The following NEO1 variants were observed in gnomAD, a reference collection of about 807,000 sequenced individuals.
NEO1 encodes neogenin.
A neutral mutation model predicts 159.7 loss-of-function variants in NEO1; 63 were observed. The observed-to-expected ratio is 0.39, with a 90% CI of 0.32 to 0.49. The LOEUF is 0.49. Ranked by LOEUF, NEO1 falls within the 20% of genes least tolerant of loss-of-function variation. The pLI is 0.85. For missense variants in NEO1, 1,615 were observed against 1,831.0 expected (o/e 0.88, Z 2.15); for synonymous variants, 633 against 662.0 (o/e 0.96, Z 0.67).
At chr15:73,141,397 T>C (rs1171140323) in intron 5 of NEO1, among the ~76,000 whole-genome samples, 1 of 152,198 alleles carries the variant, frequency 6.6e-6, no homozygotes, top group Admixed American at 6.5e-5. Flanking sequence ...TGCAGTGACG[T>C]GAATTAGCCC....
At chr15:73,154,327 A>G (rs540420435) in intron 5 of NEO1, among the ~76,000 whole-genome samples, 10 of 152,346 alleles carry the variant, frequency 6.6e-5, no homozygotes, top group Middle Eastern at 3.4e-3. Flanking sequence ...CCATCACCCA[A>G]GCATTTATCC....
intron 16 of NEO1, among the ~76,000 whole-genome samples, chr15:73,266,723 G>C (rs2040917539): frequency 6.6e-6 from 1 of 152,158 alleles, no homozygotes; most frequent in South Asian, 2.1e-4. Flanking sequence ...GGGCATGTGA[G>C]TTGAAACTAA....
intron 4 of NEO1, among the ~76,000 whole-genome samples, chr15:73,134,607 A>G (rs577092218): frequency 2.8e-4 from 42 of 151,354 alleles, no homozygotes; most frequent in African/African-American, 1.0e-3. Context: ...CTGGAGTGCA[A>G]TGGCGTGATC....
rs888603456 is a variant in NEO1 at position 73,303,145 on chromosome 15, T to G, written c.*449T>G. 1.3e-5 allele frequency: 2 copies of G among 159,002 alleles called. No homozygotes were observed. Among genetic ancestry groups the G allele is most frequent in the African/African-American group, 4.8e-5 (2 of 41,652 alleles). 9.8% of individuals were successfully genotyped at this position (159,002 alleles called of 1,614,324 possible). A position where few individuals can be genotyped will look rare whatever the true frequency, so the allele number is the denominator to read the frequency against. On this transcript the variant is annotated 3_prime_UTR_variant, in exon 29 of 29. Transcript: ENST00000261908. ...CATCCAAAACCAAGGAAGTCCTTGG[T>G]GTTCTCCACAAGTGGTTGACATTTG...
intron 4 of NEO1, among the ~76,000 whole-genome samples, chr15:73,132,951 A>G (rs1230533141): frequency 2.0e-5 from 3 of 152,202 alleles, no homozygotes; most frequent in Non-Finnish European, 2.9e-5. Flanking sequence ...AGCTAGTACA[A>G]CCACTATGGA....
At chr15:73,142,072 T>A (rs1163191407) in intron 5 of NEO1, among the ~76,000 whole-genome samples, 1 of 152,198 alleles carries the variant, frequency 6.6e-6, no homozygotes, top group Non-Finnish European at 1.5e-5. Context: ...GTTGAATGGG[T>A]TGTTTTAAGG....
At chr15:73,109,697 G>T (rs1167535407) in intron 1 of NEO1, among the ~76,000 whole-genome samples, 1 of 152,072 alleles carries the variant, frequency 6.6e-6, no homozygotes, top group Non-Finnish European at 1.5e-5. Flanking sequence ...TCCTGAACAA[G>T]AATTTTAGAT....
chr15:73,190,957 A>G (rs1271670119), intron 7 of NEO1, among the ~76,000 whole-genome samples: 1 of 152,106 alleles, frequency 6.6e-6, no homozygotes, highest in East Asian at 1.9e-4. Flanking sequence ...TAGGTCCCAT[A>G]TCACTCCAAA....
At chr15:73,295,090 G>T (rs1244254760) in intron 26 of NEO1, among the ~76,000 whole-genome samples, 1 of 139,134 alleles carries the variant, frequency 7.2e-6, no homozygotes, top group Admixed American at 7.6e-5. Context: ...ACCAGCCTGG[G>T]CAACAAGGCA....
At chr15:73,157,211 A>C (rs1207120827) in intron 5 of NEO1, among the ~76,000 whole-genome samples, 1 of 152,190 alleles carries the variant, frequency 6.6e-6, no homozygotes, top group Non-Finnish European at 1.5e-5. Flanking sequence ...CCCCAGTTTC[A>C]GTATCAGCTG....
In NEO1 at chr15:73,116,681, C is replaced by G. The variant is rs1421265299; in HGVS notation, c.272C>G (p.Thr91Ser). 1.9e-6 allele frequency: 3 copies of G among 1,613,814 alleles called. No individual in the cohort carries two copies. Among genetic ancestry groups the G allele is most frequent in the South Asian group, 1.1e-5 (1 of 91,058 alleles). Reference sequence around the variant, plus strand: ...AAAATTGAATGGAAAAAAGATGGAACTTTTTTAAACTTAGTATCAGATGAT... The same window carrying G: ...AAAATTGAATGGAAAAAAGATGGAAGTTTTTTAAACTTAGTATCAGATGAT... ...SPKIEWKKDG[T>S]FLNLVSDDRR... is the part of the protein sequence containing the mutation. The change falls in exon 2 of 29, where the codon ACT becomes AGT. Residue 91 changes from threonine (T) to serine (S), a missense_variant. By Grantham distance (58) the Thr-to-Ser change is moderately conservative (BLOSUM62 1). Transcript: ENST00000261908.
At chr15:73,225,888 G>C (rs897982259) in intron 7 of NEO1, among the ~76,000 whole-genome samples, 1 of 152,080 alleles carries the variant, frequency 6.6e-6, no homozygotes, top group Non-Finnish European at 1.5e-5. Flanking sequence ...ACACTCCTCC[G>C]GTTGCCCTCC....
chr15:73,187,607 A>G (rs941621130), intron 7 of NEO1, among the ~76,000 whole-genome samples: 4 of 152,184 alleles, frequency 2.6e-5, no homozygotes, highest in African/African-American at 4.8e-5. Context: ...CACCTCTGCT[A>G]TTATAAGTTT....
intron 5 of NEO1, among the ~76,000 whole-genome samples, chr15:73,165,219 T>G (rs1482774304): frequency 6.6e-6 from 1 of 152,080 alleles, no homozygotes; most frequent in Non-Finnish European, 1.5e-5. Context: ...AGAAAAATGT[T>G]TGGAGAGTTC....
chr15:73,079,832 G>A (rs2068954107), intron 1 of NEO1, among the ~76,000 whole-genome samples: 2 of 152,170 alleles, frequency 1.3e-5, no homozygotes, highest in South Asian at 4.1e-4. Flanking sequence ...AAGCTTCTGA[G>A]ACCTTTGCAT....
chr15:73,104,154 G>A (rs2070553509), intron 1 of NEO1, among the ~76,000 whole-genome samples: 1 of 152,144 alleles, frequency 6.6e-6, no homozygotes, highest in Non-Finnish European at 1.5e-5. Flanking sequence ...GAGCCACTGC[G>A]ACTGGCCAAA....
chr15:73,054,469 T>G (rs1201133502), intron 1 of NEO1, among the ~76,000 whole-genome samples: 1 of 152,158 alleles, frequency 6.6e-6, no homozygotes, highest in Non-Finnish European at 1.5e-5. Context: ...CAGTCTGGTG[T>G]GTGGGTAGGA....
chr15:73,221,572 TG>T (rs1264951165), intron 7 of NEO1: 1 of 153,552 alleles, frequency 6.5e-6, no homozygotes, highest in Non-Finnish European at 1.4e-5. Context: ...TGAGCTGTGG[TG>T]GGCTCCACCC....
In NEO1 at chr15:73,302,610, T is replaced by C. The variant is rs371621686; in HGVS notation, c.4303-3T>C. The C allele has an allele frequency of 2.0e-5, 32 of 1,613,386 alleles. No individual in the cohort carries two copies. In the African/African-American group the frequency reaches 3.3e-4, roughly 17 times the overall value. On this transcript the variant is annotated splice_region_variant and splice_polypyrimidine_tract_variant and intron_variant, in intron 28 of 28. Coordinates refer to ENST00000261908, the MANE Select transcript of NEO1 (RefSeq NM_002499.4). ...CCCAGTAACAGTGTTTTCTTTTCCA[T>C]AGAGCTATGAACCAGATGAGCTGAC...
Sources: allele counts gnomAD v4.1 joint callset (sites outside exome capture counted in the v4.1 genomes callset), GRCh38; gene constraint gnomAD v4.1.1; transcripts MANE v1.5; gene names NCBI Gene and HGNC (gene_info 2026-07-23, HGNC 2026-07-21).